The following FAM117B variants were observed in gnomAD, a reference collection of about 807,000 sequenced individuals.
FAM117B encodes the protein protein FAM117B.
A neutral mutation model predicts 52.8 loss-of-function variants in FAM117B; 22 were observed. That is an observed-to-expected ratio of 0.42 (90% CI 0.30 to 0.59). The LOEUF is 0.59. Among genes scored for constraint, FAM117B ranks in the 20% least tolerant of loss-of-function variants. The probability of loss-of-function intolerance (pLI) is 0.22; values close to 1 mark genes in which losing one functional copy is unlikely to be tolerated. For synonymous variants in FAM117B, 309 were observed against 324.1 expected (o/e 0.95, Z 0.50); for missense variants, 678 against 802.6 (o/e 0.84, Z 1.88).
intron 2 of FAM117B, among the ~76,000 whole-genome samples, chr2:202,699,420 C>A (rs1690761899): frequency 9.2e-6 from 1 of 109,152 alleles, no homozygotes; most frequent in South Asian, 3.0e-4. Flanking sequence ...GAGTGAGACC[C>A]CATCTCAAAA....
At chr2:202,704,063 G>A (rs966378626) in intron 2 of FAM117B, among the ~76,000 whole-genome samples, 2 of 152,182 alleles carry the variant, frequency 1.3e-5, no homozygotes, top group African/African-American at 4.8e-5. Context: ...ATGGTGCTGA[G>A]TATCTTTTCA....
At chr2:202,682,038 A>G (rs1048408049) in intron 1 of FAM117B, among the ~76,000 whole-genome samples, 1 of 152,264 alleles carries the variant, frequency 6.6e-6, no homozygotes, top group African/African-American at 2.4e-5. Flanking sequence ...TCAAAGGGAC[A>G]GCTTGACAGC....
chr2:202,716,583 C>T (rs781183346), intron 2 of FAM117B, among the ~76,000 whole-genome samples: 14 of 152,198 alleles, frequency 9.2e-5, no homozygotes, highest in African/African-American at 2.2e-4. Context: ...TACAAGGCCC[C>T]GTTTGAATAA....
chr2:202,760,973 C>G (rs1691877874), intron 7 of FAM117B, among the ~76,000 whole-genome samples: 1 of 152,162 alleles, frequency 6.6e-6, no homozygotes, highest in South Asian at 2.1e-4. Context: ...GTATTGGAGT[C>G]AACAGTTCAC....
At chr2:202,672,958 G>A (rs1322884672) in intron 1 of FAM117B, among the ~76,000 whole-genome samples, 7 of 151,986 alleles carry the variant, frequency 4.6e-5, no homozygotes, top group Non-Finnish European at 8.8e-5. Context: ...TGAGGTGGGC[G>A]GATTGCTTGA....
chr2:202,662,042 ACAATAGC>A, intron 1 of FAM117B, among the ~76,000 whole-genome samples: 1 of 152,246 alleles, frequency 6.6e-6, no homozygotes, highest in Middle Eastern at 3.4e-3. Flanking sequence ...AGAGCTATTC[ACAATAGC>A]CAATAGCCAA....
chr2:202,653,257 G>C (rs1390220910), intron 1 of FAM117B, among the ~76,000 whole-genome samples: 1 of 152,184 alleles, frequency 6.6e-6, no homozygotes, highest in Middle Eastern at 3.2e-3. Context: ...AACAGAGTAA[G>C]ACCCTGTCTC....
chr2:202,637,981 A>T (rs564078559), intron 1 of FAM117B, among the ~76,000 whole-genome samples: 66 of 150,910 alleles, frequency 4.4e-4, no homozygotes, highest in African/African-American at 1.6e-3. Flanking sequence ...GGTTCAAGCG[A>T]TGCTCCTGCC....
At chr2:202,688,289 A>G (rs972571784) in intron 1 of FAM117B, among the ~76,000 whole-genome samples, 1 of 152,178 alleles carries the variant, frequency 6.6e-6, no homozygotes, top group Non-Finnish European at 1.5e-5. Context: ...ACAATTGGGA[A>G]TGCAGTGAAA....
At chr2:202,742,160 T>G (rs1201097953) in intron 4 of FAM117B, among the ~76,000 whole-genome samples, 2 of 152,214 alleles carry the variant, frequency 1.3e-5, no homozygotes, top group Non-Finnish European at 2.9e-5. Context: ...GTAAGCTTTT[T>G]TACAGCATTA....
chr2:202,716,443 G>GTTTC, intron 2 of FAM117B, among the ~76,000 whole-genome samples: 1 of 151,902 alleles, frequency 6.6e-6, no homozygotes, highest in African/African-American at 2.4e-5. Flanking sequence ...TGGTTGTTTT[G>GTTTC]TGGTCTTCCT....
intron 2 of FAM117B, among the ~76,000 whole-genome samples, chr2:202,714,958 C>T (rs1462892334): frequency 6.6e-5 from 10 of 152,278 alleles, no homozygotes; most frequent in East Asian, 1.9e-4. Flanking sequence ...AGCAACCATC[C>T]GATTTCTCAG....
At chr2:202,694,945 GATTT>G (rs759717832) in intron 1 of FAM117B, among the ~76,000 whole-genome samples, 7 of 152,096 alleles carry the variant, frequency 4.6e-5, no homozygotes, top group Admixed American at 1.3e-4. Context: ...GATTGTCACT[GATTT>G]ATTTTATATT....
chr2:202,737,495 A>C (rs551861683), intron 4 of FAM117B, among the ~76,000 whole-genome samples: 10 of 152,298 alleles, frequency 6.6e-5, no homozygotes, highest in African/African-American at 2.4e-4. Context: ...TCTTTTTGGG[A>C]ATGACATATA....
At chr2:202,731,236 A>G (rs1030530125) in intron 4 of FAM117B, among the ~76,000 whole-genome samples, 2 of 150,620 alleles carry the variant, frequency 1.3e-5, no homozygotes, top group African/African-American at 4.9e-5. Context: ...GGGAAATGCA[A>G]TTCAAAACTC....
intron 1 of FAM117B, among the ~76,000 whole-genome samples, chr2:202,646,608 C>G (rs1163639908): frequency 6.6e-6 from 1 of 152,092 alleles, no homozygotes; most frequent in Non-Finnish European, 1.5e-5. Flanking sequence ...TCAGGGAACC[C>G]AGGCATTTGT....
intron 1 of FAM117B, among the ~76,000 whole-genome samples, chr2:202,677,227 C>T (rs1194202131): frequency 1.3e-5 from 2 of 152,072 alleles, no homozygotes; most frequent in Non-Finnish European, 2.9e-5. Context: ...ACCACCATTC[C>T]CGGCTAATTT....
chr2:202,680,987 A>G (rs1194454095), intron 1 of FAM117B, among the ~76,000 whole-genome samples: 1 of 152,230 alleles, frequency 6.6e-6, no homozygotes, highest in Non-Finnish European at 1.5e-5. Flanking sequence ...ATGATAATGT[A>G]TTGTGTATAT....
intron 4 of FAM117B, among the ~76,000 whole-genome samples, chr2:202,730,862 A>G (rs1304613836): frequency 1.3e-5 from 2 of 152,216 alleles, no homozygotes; most frequent in East Asian, 1.9e-4. Flanking sequence ...TAGAAATGAC[A>G]CTAAAAGCAA....
Sources: allele counts gnomAD v4.1 joint callset (sites outside exome capture counted in the v4.1 genomes callset), GRCh38; gene constraint gnomAD v4.1.1; transcripts MANE v1.5; gene names NCBI Gene and HGNC (gene_info 2026-07-23, HGNC 2026-07-21).